Variants in FYN observed in about 807,000 individuals in gnomAD.
The protein encoded by FYN is FYN proto-oncogene, Src family tyrosine kinase, also known as tyrosine-protein kinase Fyn.
FYN carries 10 observed loss-of-function variants against 70.2 expected under a neutral mutation model. The observed-to-expected ratio is 0.14, with a 90% CI of 0.09 to 0.24. FYN has a LOEUF of 0.24. Ranked by LOEUF, FYN falls within the 10% of genes least tolerant of loss-of-function variation. The pLI is 1.00. For synonymous variants in FYN, 236 were observed against 248.6 expected, an observed-to-expected ratio of 0.95 and a Z score of 0.48; for missense variants, 319 against 673.1, an observed-to-expected ratio of 0.47 and a Z score of 5.82.
rs544161372 is a variant in FYN at position 111,845,531 on chromosome 6, T to G, written c.-82+1058A>C. On this transcript the variant is annotated intron_variant, in intron 2 of 13. Coordinates refer to ENST00000354650, the MANE Select transcript of FYN (RefSeq NM_002037.5). ...AAGGTCAGGAGTTACTCACAATTGTTCTGGAACAATGTTTCAGATAGTATA... is the reference window on the plus strand; with the variant it reads ...AAGGTCAGGAGTTACTCACAATTGTGCTGGAACAATGTTTCAGATAGTATA... 1.3e-3 allele frequency among the ~76,000 whole-genome samples: 205 copies of G among 152,314 alleles called. 1 individual carries two copies. Among genetic ancestry groups the G allele is most frequent in the African/African-American group, 4.8e-3 (199 of 41,568 alleles).
intron 3 of FYN, among the ~76,000 whole-genome samples, chr6:111,776,999 C>T (rs951757246): frequency 3.3e-5 from 5 of 152,184 alleles, no homozygotes; most frequent in African/African-American, 4.8e-5. Context: ...ACACCAGAAC[C>T]GCCTTGATTC....
chr6:111,850,509 T>C (rs780069559), intron 1 of FYN, among the ~76,000 whole-genome samples: 15 of 152,222 alleles, frequency 9.9e-5, no homozygotes, highest in Non-Finnish European at 1.6e-4. Flanking sequence ...GAGGATAAAA[T>C]AGCCGTTTGA....
intron 12 of FYN, among the ~76,000 whole-genome samples, chr6:111,675,946 A>C (rs1251925213): frequency 1.3e-5 from 2 of 152,292 alleles, no homozygotes; most frequent in African/African-American, 4.8e-5. Flanking sequence ...AAAGAAAAAC[A>C]CAAGGAATTT....
In FYN at chr6:111,688,158, C is replaced by G. The variant is rs533162056; in HGVS notation, c.1273+6217G>C. 1.8e-4 allele frequency among the ~76,000 whole-genome samples: 27 copies of G among 152,266 alleles called. 1 individual carries two copies. In the South Asian group the frequency reaches 5.2e-3, roughly 29 times the overall value. ...TTGTCTTCTTGAATTCTTACAACCACCTTAAAGGTAACCAACACCAATCCT... is the reference window on the plus strand; with the variant it reads ...TTGTCTTCTTGAATTCTTACAACCAGCTTAAAGGTAACCAACACCAATCCT... On this transcript the variant is annotated intron_variant, in intron 12 of 13. Coordinates refer to ENST00000354650, the MANE Select transcript of FYN (RefSeq NM_002037.5).
At chr6:111,826,949 A>G (rs1772854095) in intron 2 of FYN, among the ~76,000 whole-genome samples, 1 of 152,174 alleles carries the variant, frequency 6.6e-6, no homozygotes, top group Non-Finnish European at 1.5e-5. Context: ...TAGAGATGAG[A>G]AAATTGAGGC....
At chr6:111,804,025 C>A (rs1313146353) in intron 2 of FYN, among the ~76,000 whole-genome samples, 3 of 152,112 alleles carry the variant, frequency 2.0e-5, no homozygotes, top group Non-Finnish European at 4.4e-5. Context: ...TAATTGACTG[C>A]GGGGATGAGA....
chr6:111,790,501 T>C (rs1771578323), intron 2 of FYN, among the ~76,000 whole-genome samples: 1 of 151,956 alleles, frequency 6.6e-6, no homozygotes, highest in South Asian at 2.1e-4. Flanking sequence ...TTCTCTCACA[T>C]CTCTTCCAGC....
At chr6:111,730,856 A>C (rs925708722) in intron 3 of FYN, among the ~76,000 whole-genome samples, 3 of 147,544 alleles carry the variant, frequency 2.0e-5, no homozygotes, top group African/African-American at 8.0e-5. Context: ...AAAAAGAGAA[A>C]AGAAAAACAA....
At chr6:111,777,591 A>G (rs1388498306) in intron 3 of FYN, among the ~76,000 whole-genome samples, 1 of 152,078 alleles carries the variant, frequency 6.6e-6, no homozygotes, top group Non-Finnish European at 1.5e-5. Context: ...CCTAACTGTG[A>G]CAACCCAAAA....
chr6:111,729,459 A>C (rs1229157226), intron 3 of FYN, among the ~76,000 whole-genome samples: 1 of 145,242 alleles, frequency 6.9e-6, no homozygotes, highest in East Asian at 2.1e-4. Flanking sequence ...TGGGTGACAG[A>C]GTGAGACTGC....
intron 3 of FYN, among the ~76,000 whole-genome samples, chr6:111,757,945 T>G (rs1428460923): frequency 6.6e-6 from 1 of 152,168 alleles, no homozygotes; most frequent in Non-Finnish European, 1.5e-5. Context: ...AGGGGTTGAC[T>G]TATTACCATT....
intron 2 of FYN, among the ~76,000 whole-genome samples, chr6:111,811,316 C>T (rs886921191): frequency 3.9e-5 from 6 of 152,118 alleles, no homozygotes; most frequent in African/African-American, 1.4e-4. Context: ...CAAAAGGAAA[C>T]GTTTTAAAGA....
intron 2 of FYN, among the ~76,000 whole-genome samples, chr6:111,781,805 G>C (rs1158335335): frequency 6.6e-6 from 1 of 152,156 alleles, no homozygotes; most frequent in Admixed American, 6.5e-5. Context: ...CTCTTATACA[G>C]TTATCAAAAT....
chr6:111,669,746 T>C (rs1798182033), intron 13 of FYN, among the ~76,000 whole-genome samples: 1 of 152,112 alleles, frequency 6.6e-6, no homozygotes, highest in South Asian at 2.1e-4. Flanking sequence ...GGTGAGTTCT[T>C]TTTTTTCTGT....
At chr6:111,716,949 T>A (rs1800675389) in intron 4 of FYN, among the ~76,000 whole-genome samples, 1 of 152,004 alleles carries the variant, frequency 6.6e-6, no homozygotes, top group Non-Finnish European at 1.5e-5. Context: ...CATGCCCAGC[T>A]AATTTTTTGT....
At chr6:111,799,785 C>T (rs893655396) in intron 2 of FYN, among the ~76,000 whole-genome samples, 1 of 152,214 alleles carries the variant, frequency 6.6e-6, no homozygotes, top group Non-Finnish European at 1.5e-5. Context: ...GTGAGGCTGT[C>T]ACTTGTGCAA....
intron 1 of FYN, among the ~76,000 whole-genome samples, chr6:111,860,396 A>G (rs529344602): frequency 1.0e-3 from 152 of 152,324 alleles, no homozygotes; most frequent in African/African-American, 3.5e-3. Flanking sequence ...AGCACAGAGC[A>G]GGAATCTTCC....
At chr6:111,729,576 T>TA (rs1346759139) in intron 3 of FYN, among the ~76,000 whole-genome samples, 1 of 152,018 alleles carries the variant, frequency 6.6e-6, no homozygotes, top group East Asian at 1.9e-4. Flanking sequence ...TTCTATGAAG[T>TA]ATTATTTATC....
chr6:111,760,611 T>C (rs1227950856), intron 3 of FYN, among the ~76,000 whole-genome samples: 1 of 152,298 alleles, frequency 6.6e-6, no homozygotes. Flanking sequence ...TGGGCAGGAA[T>C]GCTGCAGCGC....
Sources: allele counts gnomAD v4.1 joint callset (sites outside exome capture counted in the v4.1 genomes callset), GRCh38; gene constraint gnomAD v4.1.1; transcripts MANE v1.5; gene names NCBI Gene and HGNC (gene_info 2026-07-23, HGNC 2026-07-21).